Variants in TRAP1 observed in about 807,000 individuals in gnomAD.
The protein encoded by TRAP1 is TNF receptor associated protein 1.
A neutral mutation model predicts 89.1 loss-of-function variants in TRAP1; 102 were observed. The observed-to-expected ratio is 1.15, with a 90% CI of 0.98 to 1.35. TRAP1 has a LOEUF of 1.35. TRAP1 is among the 40% of genes most tolerant of loss of function. The probability of loss-of-function intolerance (pLI) is 0.00; values close to 1 mark genes in which losing one functional copy is unlikely to be tolerated. For missense variants in TRAP1, 1,256 were observed against 945.3 expected, an observed-to-expected ratio of 1.33 and a Z score of -4.31; for synonymous variants, 508 against 388.0, an observed-to-expected ratio of 1.31 and a Z score of -3.64.
chr16:3,669,507 T>C (rs1438077789), intron 11 of TRAP1, among the ~76,000 whole-genome samples: 6 of 152,062 alleles, frequency 3.9e-5, no homozygotes, highest in African/African-American at 7.2e-5. Context: ...CCACCCCTAG[T>C]ATTCTATCCT....
chr16:3,686,269 T>G, intron 3 of TRAP1, 133 bp from the exon 4 acceptor site: 1 of 1,121,706 alleles, frequency 8.9e-7, no homozygotes, highest in African/African-American at 1.6e-5. Context: ...AAAGAGTTTC[T>G]GCTTTAGTCA....
chr16:3,684,473 T>C (rs1468069768), intron 4 of TRAP1, among the ~76,000 whole-genome samples: 1 of 152,154 alleles, frequency 6.6e-6, no homozygotes, highest in African/African-American at 2.4e-5. Flanking sequence ...TAGGTAAGAA[T>C]AATCTATCAA....
intron 9 of TRAP1, among the ~76,000 whole-genome samples, chr16:3,674,043 G>A (rs2050952792): frequency 2.0e-5 from 3 of 152,178 alleles, no homozygotes; most frequent in African/African-American, 7.2e-5. Flanking sequence ...TGACCCCTGA[G>A]ACAGAGGAAA....
intron 4 of TRAP1, among the ~76,000 whole-genome samples, chr16:3,683,097 A>C (rs755726134): frequency 7.9e-5 from 12 of 151,608 alleles, no homozygotes; most frequent in Non-Finnish European, 1.6e-4. Context: ...TGAACCCGGG[A>C]GGCGGAGGTT....
chr16:3,712,660 T>C (rs2051548039), intron 1 of TRAP1, among the ~76,000 whole-genome samples: 1 of 152,050 alleles, frequency 6.6e-6, no homozygotes, highest in African/African-American at 2.4e-5. Flanking sequence ...CAGGAGGGAG[T>C]GCAGTGGCAC....
In TRAP1 at chr16:3,671,723, T is replaced by G; in HGVS notation, c.1234A>C (p.Arg412=). 1 of 1,612,790 alleles carries G rather than the reference T, an allele frequency of 6.2e-7. No individual in the cohort carries two copies. The highest frequency in any genetic ancestry group is 8.5e-7 in the Non-Finnish European group (1 of 1,180,012). Residue 412 remains arginine, a splice_region_variant and synonymous_variant, in exon 11 of 18, where the codon AGG becomes CGG. Coordinates refer to ENST00000246957, the MANE Select transcript of TRAP1 (RefSeq NM_016292.3). ...CTCTCCCCGCGGCCCGAGGCTCACC[T>G]GATGAGTGCGCTCTCCTGCAGCAGC... ...RELLQESALI[R]KLRDVLQQRL... is the part of the protein sequence containing the mutation.
intron 1 of TRAP1, among the ~76,000 whole-genome samples, chr16:3,709,347 C>G (rs1032459265): frequency 6.6e-6 from 1 of 151,648 alleles, no homozygotes; most frequent in South Asian, 2.1e-4. Context: ...ACACTCATAA[C>G]TAAGGAAATG....
chr16:3,696,283 G>A (rs531388048), intron 1 of TRAP1, among the ~76,000 whole-genome samples: 1 of 152,190 alleles, frequency 6.6e-6, no homozygotes, highest in African/African-American at 2.4e-5. Flanking sequence ...GTGTGCAGAA[G>A]GACGAGAAAG....
At chr16:3,674,757 G>T in intron 8 of TRAP1, 1 of 530,278 alleles carries the variant, frequency 1.9e-6, no homozygotes, top group Admixed American at 3.3e-5. Context: ...GCCTGTGGGA[G>T]AGGATGACGC....
chr16:3,686,134 C>T lies in TRAP1; in HGVS notation c.333G>A (p.Val111=). ...VARSLYSEKE[V]FIRELISNAS... ...CATTGGAGATCAGCTCCCGTATAAACACCTACAGGAATAGAAATGGGAGGC... is the reference window on the plus strand; with the variant it reads ...CATTGGAGATCAGCTCCCGTATAAATACCTACAGGAATAGAAATGGGAGGC... The change falls in exon 4 of 18, where the codon GTG becomes GTA. Residue 111 remains valine (V), a splice_region_variant and synonymous_variant. Coordinates refer to ENST00000246957, the MANE Select transcript of TRAP1 (RefSeq NM_016292.3). 1.5e-5 allele frequency: 24 copies of T among 1,613,764 alleles called. No homozygotes were observed. Among genetic ancestry groups the T allele is most frequent in the Non-Finnish European group, 2.0e-5 (24 of 1,179,772 alleles).
intron 11 of TRAP1, 36 bp downstream of exon 11, chr16:3,671,686 C>T: frequency 6.2e-7 from 1 of 1,606,026 alleles, no homozygotes; most frequent in Middle Eastern, 1.7e-4. Flanking sequence ...GGGCCTTGTC[C>T]CCAGCAGGGT....
At chr16:3,699,391 C>T (rs967472435) in intron 1 of TRAP1, among the ~76,000 whole-genome samples, 4 of 152,210 alleles carry the variant, frequency 2.6e-5, no homozygotes, top group African/African-American at 7.2e-5. Context: ...AATCCCAGCA[C>T]TTTGGGAGGC....
intron 16 of TRAP1, chr16:3,660,023 AACCT>A (rs1567217968): frequency 6.6e-6 from 1 of 152,180 alleles, no homozygotes; most frequent in Non-Finnish European, 1.5e-5. Flanking sequence ...CACCGCACCC[AACCT>A]AACAGAGGAA....
chr16:3,714,103 C>G (rs1419487241), intron 1 of TRAP1, among the ~76,000 whole-genome samples: 18 of 152,170 alleles, frequency 1.2e-4, no homozygotes, highest in Admixed American at 7.9e-4. Flanking sequence ...GTGAAAACAG[C>G]CTTGGACACT....
chr16:3,691,287 G>A (rs1013190997), intron 1 of TRAP1, among the ~76,000 whole-genome samples: 1 of 152,152 alleles, frequency 6.6e-6, no homozygotes, highest in African/African-American at 2.4e-5. Flanking sequence ...TGCGATCACA[G>A]CTCACTGCAG....
At chr16:3,661,036 T>C (rs145830400) in intron 16 of TRAP1, 41 of 152,286 alleles carry the variant, frequency 2.7e-4, no homozygotes, top group African/African-American at 9.9e-4. Flanking sequence ...AACTTCATTT[T>C]TTAAAAAATT....
intron 3 of TRAP1, among the ~76,000 whole-genome samples, chr16:3,687,927 T>C (rs1053971248): frequency 2.8e-5 from 4 of 140,980 alleles, no homozygotes; most frequent in Admixed American, 7.2e-5. Flanking sequence ...CAAGAGCACA[T>C]AGGTGAAGAG....
chr16:3,658,468 G>C (rs1383945208), intron 17 of TRAP1: 1 of 581,714 alleles, frequency 1.7e-6, no homozygotes, highest in Non-Finnish European at 3.0e-6. Context: ...TGGCTCACGA[G>C]GTCAGGAGAT....
At chr16:3,705,360 T>C (rs1039498619) in intron 1 of TRAP1, among the ~76,000 whole-genome samples, 1 of 151,714 alleles carries the variant, frequency 6.6e-6, no homozygotes, top group Admixed American at 6.6e-5. Flanking sequence ...TGAGCCACCA[T>C]GCCCGGACAA....
Sources: gnomAD v4.1 joint callset for allele counts (sites outside exome capture counted in the v4.1 genomes callset) on GRCh38, gnomAD v4.1.1 for gene constraint, MANE v1.5 for transcripts, NCBI Gene and HGNC (gene_info 2026-07-23, HGNC 2026-07-21) for gene names.